The following HSD11B1L variants were observed in gnomAD, a reference collection of about 807,000 sequenced individuals.
The protein encoded by HSD11B1L is hydroxysteroid 11-beta dehydrogenase 1 like.
HSD11B1L carries 22 observed loss-of-function variants against 27.0 expected under a neutral mutation model. The ratio of observed to expected loss-of-function variants is 0.81; its 90% CI spans 0.58 to 1.16. The LOEUF is 1.16. Ranked by LOEUF, HSD11B1L falls within the 50% of genes most tolerant of loss-of-function variation. HSD11B1L has a pLI of 0.00. For synonymous variants in HSD11B1L, 187 were observed against 189.2 expected, an observed-to-expected ratio of 0.99 and a Z score of 0.09; for missense variants, 372 against 401.8, an observed-to-expected ratio of 0.93 and a Z score of 0.63.
chr19:5,687,715 C>A lies in HSD11B1L; in HGVS notation c.669-38C>A. 6.6e-7 allele frequency: 1 copy of A among 1,511,348 alleles called. No homozygotes were observed. The highest frequency in any genetic ancestry group is 1.3e-5 in the South Asian group (1 of 79,442). 93.6% of individuals were successfully genotyped at this position (1,511,348 alleles called of 1,614,324 possible). ...GGCTGGGCTGGGGGCCATGGCCCAGCCCCAGCCGCAGTCCCCACCGTGCCC... is the reference window on the plus strand; with the variant it reads ...GGCTGGGCTGGGGGCCATGGCCCAGACCCAGCCGCAGTCCCCACCGTGCCC... On this transcript the variant is annotated intron_variant, in intron 7 of 7. Coordinates refer to ENST00000339423, the MANE Select transcript of HSD11B1L (RefSeq NM_198706.3). The surrounding 1 kb of genome is among the most constrained non-coding windows in gnomAD (Gnocchi z 6.6).
rs557786197 is a variant in HSD11B1L, at chr19:5,687,351, C to G, written c.478C>G (p.Leu160Val). 9 of 1,612,620 alleles carry G rather than the reference C, an allele frequency of 5.6e-6. No individual in the cohort carries two copies. Among genetic ancestry groups the G allele is most frequent in the Admixed American group, 5.0e-5 (3 of 59,974 alleles). The change falls in exon 6 of 8, where the codon CTG (leucine) becomes GTG (valine). Residue 160 changes from leucine (L) to valine (V), a missense_variant. Physicochemically the swap from Leu to Val is conservative, Grantham distance 32 (BLOSUM62 1). Coordinates refer to ENST00000339423, the MANE Select transcript of HSD11B1L (RefSeq NM_198706.3). This position sits in a 1 kb window ranked among gnomAD's most constrained non-coding sequence, Gnocchi z 6.6. Reference sequence around the variant, plus strand: ...CAGCCTGACGGACAGCAAGGGCTCCCTGGTGGTGGTGTCCTCGCTGCTCGG... The same window carrying G: ...CAGCCTGACGGACAGCAAGGGCTCCGTGGTGGTGGTGTCCTCGCTGCTCGG... ...LPSLTDSKGS[L>V]VVVSSLLGRV...
rs772504929 is a variant in HSD11B1L at position 5,687,272 on chromosome 19, C to T, written c.409-10C>T. On this transcript the variant is annotated splice_polypyrimidine_tract_variant and intron_variant, in intron 5 of 7. Transcript: ENST00000339423. This position sits in a 1 kb window ranked among gnomAD's most constrained non-coding sequence, Gnocchi z 6.6. ...CGCCTCTGCCGGTGACTCGCGAGTG[C>T]CGCCTGCAGGTAAACTTTGTGAGCT... 4 of 1,611,620 alleles carry T rather than the reference C, an allele frequency of 2.5e-6. No individual in the cohort carries two copies. In the South Asian group the frequency reaches 3.3e-5, roughly 13 times the overall value.
In HSD11B1L at chr19:5,685,211, C is replaced by CCGTGTGA; in HGVS notation, c.204+94_204+100dup. On this transcript the variant is annotated intron_variant, in intron 3 of 7. Coordinates refer to ENST00000339423, the MANE Select transcript of HSD11B1L (RefSeq NM_198706.3). The surrounding 1 kb of genome is among the most constrained non-coding windows in gnomAD (Gnocchi z 4.3). ...TAATCCCTGCAATGATCCAGGCTTC[C>CCGTGTGA]CGTGTGACCTTGGGCAAGTCGCCTA... 1 of 1,480,402 alleles carries CCGTGTGA rather than the reference C, an allele frequency of 6.8e-7. No individual in the cohort carries two copies. Among genetic ancestry groups the CCGTGTGA allele is most frequent in the Non-Finnish European group, 9.1e-7 (1 of 1,096,406 alleles). 91.7% of individuals were successfully genotyped at this position (1,480,402 alleles called of 1,614,324 possible).
rs1247090303 is a variant in HSD11B1L at position 5,687,266 on chromosome 19, C to G, written c.409-16C>G. The G allele has an allele frequency of 6.2e-7, 1 of 1,611,122 alleles. No individual in the cohort carries two copies. Among genetic ancestry groups the G allele is most frequent in the Non-Finnish European group, 8.5e-7 (1 of 1,179,312 alleles). On this transcript the variant is annotated splice_polypyrimidine_tract_variant and intron_variant, in intron 5 of 7. Coordinates refer to ENST00000339423, the MANE Select transcript of HSD11B1L (RefSeq NM_198706.3). The surrounding 1 kb of genome is among the most constrained non-coding windows in gnomAD (Gnocchi z 6.6). Reference sequence around the variant, plus strand: ...GGGCTCCGCCTCTGCCGGTGACTCGCGAGTGCCGCCTGCAGGTAAACTTTG... The same window carrying G: ...GGGCTCCGCCTCTGCCGGTGACTCGGGAGTGCCGCCTGCAGGTAAACTTTG...
Position 5,687,058 on chromosome 19 carries a change from C to T in HSD11B1L, c.408+67C>T, listed in dbSNP as rs2054715102. 2 of 1,391,506 alleles carry T rather than the reference C, an allele frequency of 1.4e-6. No homozygotes were observed. The highest frequency in any genetic ancestry group is 1.4e-5 in the African/African-American group (1 of 69,896). 86.2% of individuals were successfully genotyped at this position (1,391,506 alleles called of 1,614,324 possible). ...AGGGACCGGTGGTCCGTTCCCTTCG[C>T]GGTCCGGGTTCTGCCTTCTCCAGGG... On this transcript the variant is annotated intron_variant, in intron 5 of 7. Transcript: ENST00000339423. This position sits in a 1 kb window ranked among gnomAD's most constrained non-coding sequence, Gnocchi z 6.6.
chr19:5,687,796 C>T lies in HSD11B1L; in HGVS notation c.712C>T (p.Leu238=). Residue 238 remains leucine, a synonymous_variant, in exon 8 of 8, where the codon CTG becomes TTG. Coordinates refer to ENST00000339423, the MANE Select transcript of HSD11B1L (RefSeq NM_198706.3). This position sits in a 1 kb window ranked among gnomAD's most constrained non-coding sequence, Gnocchi z 6.6. ...VKAAPGPKAA[L]AVIRGGATRA... ...GGCGGCCCCGGGGCCCAAGGCAGCC[C>T]TGGCCGTGATCCGCGGCGGCGCCAC... The T allele has an allele frequency of 6.6e-7, 1 of 1,511,962 alleles. No homozygotes were observed. The highest frequency in any genetic ancestry group is 1.3e-5 in the South Asian group (1 of 77,750). The allele number at this position is 1,511,962 out of a possible 1,614,324, so 93.7% of individuals were successfully genotyped here.
rs2054678239 is a variant in HSD11B1L at position 5,685,926 on chromosome 19, A to G, written c.205-490A>G. On this transcript the variant is annotated intron_variant, in intron 3 of 7. Coordinates refer to ENST00000339423, the MANE Select transcript of HSD11B1L (RefSeq NM_198706.3). This position sits in a 1 kb window ranked among gnomAD's most constrained non-coding sequence, Gnocchi z 4.3. ...CTCAAACAAACAAACAAAAAAACCC[A>G]CCTTCTCATGGGTTAGGATGTTGTG... Among the ~76,000 whole-genome samples, 1 of 152,050 alleles carries G rather than the reference A, an allele frequency of 6.6e-6. No individual in the cohort carries two copies. The highest frequency in any genetic ancestry group is 1.5e-5 in the Non-Finnish European group (1 of 68,010).
intron 1 of HSD11B1L, among the ~76,000 whole-genome samples, 183 bp downstream of exon 1, chr19:5,681,454 C>G (rs1016191343): frequency 1.3e-5 from 2 of 152,182 alleles, no homozygotes; most frequent in Non-Finnish European, 2.9e-5. Context: ...GTCCCCCACC[C>G]GTCTATCCAT....
rs377279587 is a variant in HSD11B1L at position 5,687,704 on chromosome 19, C to A, written c.668+36C>A. 60 of 1,532,928 alleles carry A rather than the reference C, an allele frequency of 3.9e-5. No homozygotes were observed. Among genetic ancestry groups the A allele is most frequent in the East Asian group, 1.2e-4 (5 of 41,102 alleles). 95.0% of individuals were successfully genotyped at this position (1,532,928 alleles called of 1,614,324 possible). A position where few individuals can be genotyped will look rare whatever the true frequency, so the allele number is the denominator to read the frequency against. Reference sequence around the variant, plus strand: ...GACAAGCTGGGGGCTGGGCTGGGGGCCATGGCCCAGCCCCAGCCGCAGTCC... The same window carrying A: ...GACAAGCTGGGGGCTGGGCTGGGGGACATGGCCCAGCCCCAGCCGCAGTCC... On this transcript the variant is annotated intron_variant, in intron 7 of 7. Transcript: ENST00000339423. The surrounding 1 kb of genome is among the most constrained non-coding windows in gnomAD (Gnocchi z 6.6).
In HSD11B1L at chr19:5,687,587, T is replaced by TGGACGTGCA; in HGVS notation, c.595_603dup (p.Gln199_Val201dup). ...TTCTTCGGCTCCCTGCGGCGGGAGC[T>TGGACGTGCA]GGACGTGCAGGACGTGAACGTGGCC... is the stretch of plus-strand genomic sequence containing the variant. On this transcript the variant is annotated inframe_insertion, in exon 7 of 8. Transcript: ENST00000339423. This position sits in a 1 kb window ranked among gnomAD's most constrained non-coding sequence, Gnocchi z 6.6. The TGGACGTGCA allele has an allele frequency of 6.3e-7, 1 of 1,598,716 alleles. No individual in the cohort carries two copies.
rs1390202432 is a variant in HSD11B1L, at chr19:5,687,782, G to A, written c.698G>A (p.Gly233Glu). ...RGVTRVKAAP[G>E]PKAALAVIRG... Reference sequence around the variant, plus strand: ...GTCACGAGGGTCAAGGCGGCCCCGGGGCCCAAGGCAGCCCTGGCCGTGATC... The same window carrying A: ...GTCACGAGGGTCAAGGCGGCCCCGGAGCCCAAGGCAGCCCTGGCCGTGATC... Residue 233 changes from glycine (G) to glutamate (E), a missense_variant, in exon 8 of 8, where the codon GGG (glycine) becomes GAG (glutamate). Coordinates refer to ENST00000339423, the MANE Select transcript of HSD11B1L (RefSeq NM_198706.3). The surrounding 1 kb of genome is among the most constrained non-coding windows in gnomAD (Gnocchi z 6.6). The A allele has an allele frequency of 6.7e-7, 1 of 1,486,292 alleles. No individual in the cohort carries two copies. 92.1% of individuals were successfully genotyped at this position (1,486,292 alleles called of 1,614,324 possible). A position where few individuals can be genotyped will look rare whatever the true frequency, so the allele number is the denominator to read the frequency against.
chr19:5,687,109 G>GCCACGCCCCTCCTAGC lies in HSD11B1L; in HGVS notation c.408+122_408+137dup. The GCCACGCCCCTCCTAGC allele has an allele frequency of 1.8e-6, 2 of 1,104,246 alleles. No individual in the cohort carries two copies. The highest frequency in any genetic ancestry group is 4.3e-5 in the Admixed American group (2 of 46,392). The allele number at this position is 1,104,246 out of a possible 1,614,324, so 68.4% of individuals were successfully genotyped here. ...AGGGCTCTCCACCCGTCCCGCCCCA[G>GCCACGCCCCTCCTAGC]CCACGCCCCTCCTAGCCCAAGCCCC... On this transcript the variant is annotated intron_variant, in intron 5 of 7. Coordinates refer to ENST00000339423, the MANE Select transcript of HSD11B1L (RefSeq NM_198706.3). This position sits in a 1 kb window ranked among gnomAD's most constrained non-coding sequence, Gnocchi z 6.6.
Position 5,687,868 on chromosome 19 carries a change from T to C in HSD11B1L, c.784T>C (p.Leu262=). The change falls in exon 8 of 8, where the codon TTG becomes CTG. Residue 262 remains leucine, a synonymous_variant. Coordinates refer to ENST00000339423, the MANE Select transcript of HSD11B1L (RefSeq NM_198706.3). The surrounding 1 kb of genome is among the most constrained non-coding windows in gnomAD (Gnocchi z 6.6). ...CCCGTGGCGTTTCCGCCTGCTGTGC[T>C]TGCTCCGGCGCTGGCTACCGCGCCC... ...FYPWRFRLLC[L]LRRWLPRPRA... 1 of 1,580,700 alleles carries C rather than the reference T, an allele frequency of 6.3e-7. No individual in the cohort carries two copies. The highest frequency in any genetic ancestry group is 8.6e-7 in the Non-Finnish European group (1 of 1,164,446).
At position 5,687,723 on chromosome 19, in the gene HSD11B1L, G is replaced by T. The variant is rs2054742202; in HGVS notation, c.669-30G>T. ...TGGGGGCCATGGCCCAGCCCCAGCC[G>T]CAGTCCCCACCGTGCCCTCCTGTCC... On this transcript the variant is annotated intron_variant, in intron 7 of 7. Coordinates refer to ENST00000339423, the MANE Select transcript of HSD11B1L (RefSeq NM_198706.3). The surrounding 1 kb of genome is among the most constrained non-coding windows in gnomAD (Gnocchi z 6.6). 6.7e-7 allele frequency: 1 copy of T among 1,503,282 alleles called. No individual in the cohort carries two copies. The highest frequency in any genetic ancestry group is 8.9e-7 in the Non-Finnish European group (1 of 1,129,826). 93.1% of individuals were successfully genotyped at this position (1,503,282 alleles called of 1,614,324 possible).
Position 5,686,411 on chromosome 19 carries a change from C to CA in HSD11B1L, c.205-5_205-4insA. 3.2e-6 allele frequency: 5 copies of CA among 1,557,772 alleles called. No individual in the cohort carries two copies. The highest frequency in any genetic ancestry group is 4.3e-6 in the Non-Finnish European group (5 of 1,150,334). On this transcript the variant is annotated splice_polypyrimidine_tract_variant and splice_region_variant and intron_variant, in intron 3 of 7. Coordinates refer to ENST00000339423, the MANE Select transcript of HSD11B1L (RefSeq NM_198706.3). ...AGGCCCACGGGCAGCTCTGGCCCCC[C>CA]CCAGGTGGTAGGGAACTGCCGGAAG...
At chr19:5,681,328 G>T (rs1043900592) in intron 1 of HSD11B1L, 57 bp downstream of exon 1, 2 of 152,394 alleles carry the variant, frequency 1.3e-5, no homozygotes, top group Non-Finnish European at 2.9e-5. Flanking sequence ...GTTCAGAGGG[G>T]AAGCTAAGGC....
chr19:5,687,161 A>G lies in HSD11B1L; in HGVS notation c.409-121A>G. 1 of 1,222,484 alleles carries G rather than the reference A, an allele frequency of 8.2e-7. No homozygotes were observed. The highest frequency in any genetic ancestry group is 1.1e-6 in the Non-Finnish European group (1 of 875,838). 75.7% of individuals were successfully genotyped at this position (1,222,484 alleles called of 1,614,324 possible). On this transcript the variant is annotated intron_variant, in intron 5 of 7. Coordinates refer to ENST00000339423, the MANE Select transcript of HSD11B1L (RefSeq NM_198706.3). This position sits in a 1 kb window ranked among gnomAD's most constrained non-coding sequence, Gnocchi z 6.6. ...GCTCCGGCCTTGACCCCGCCCTCGG[A>G]CCCGCCTTCCGGGTTTCTGGCCCCG...
chr19:5,686,882 C>G lies in HSD11B1L; in HGVS notation c.317-18C>G. The G allele has an allele frequency of 6.5e-7, 1 of 1,534,772 alleles. No individual in the cohort carries two copies. The highest frequency in any genetic ancestry group is 8.8e-7 in the Non-Finnish European group (1 of 1,138,494). On this transcript the variant is annotated intron_variant, in intron 4 of 7. Transcript: ENST00000339423. ...CTTGGGGAGGGGCCTCCGGGGCTGACCGGCGTTTCTGGGCCAGGCGGGCTG... is the reference window on the plus strand; with the variant it reads ...CTTGGGGAGGGGCCTCCGGGGCTGAGCGGCGTTTCTGGGCCAGGCGGGCTG...
chr19:5,687,111 C>A lies in HSD11B1L; in HGVS notation c.408+120C>A. The A allele has an allele frequency of 2.6e-6, 3 of 1,132,488 alleles. No homozygotes were observed. The highest frequency in any genetic ancestry group is 3.8e-6 in the Non-Finnish European group (3 of 796,418). The allele number at this position is 1,132,488 out of a possible 1,614,324, so 70.2% of individuals were successfully genotyped here. A position where few individuals can be genotyped will look rare whatever the true frequency, so the allele number is the denominator to read the frequency against. ...GGCTCTCCACCCGTCCCGCCCCAGC[C>A]ACGCCCCTCCTAGCCCAAGCCCCTG... is the stretch of plus-strand genomic sequence containing the variant. On this transcript the variant is annotated intron_variant, in intron 5 of 7. Transcript: ENST00000339423. This position sits in a 1 kb window ranked among gnomAD's most constrained non-coding sequence, Gnocchi z 6.6.
Sources: allele counts gnomAD v4.1 joint callset (sites outside exome capture counted in the v4.1 genomes callset), GRCh38; gene constraint gnomAD v4.1.1; non-coding constraint Gnocchi (gnomAD v3.1); transcripts MANE v1.5; gene names NCBI Gene and HGNC (gene_info 2026-07-23, HGNC 2026-07-21).